The following RORA variants were observed in gnomAD, a reference collection of about 807,000 sequenced individuals.
RORA encodes RAR related orphan receptor A, also known as nuclear receptor ROR-alpha.
A neutral mutation model predicts 69.5 loss-of-function variants in RORA; 7 were observed. The observed-to-expected ratio is 0.10, with a 90% confidence interval of 0.06 to 0.19. The LOEUF (loss-of-function observed/expected upper bound fraction) is 0.19. Ranked by LOEUF, RORA falls within the 10% of genes least tolerant of loss-of-function variation. RORA has a pLI of 1.00. For missense variants in RORA, 457 were observed against 663.0 expected (o/e 0.69, Z 3.41); for synonymous variants, 261 against 240.8 (o/e 1.08, Z -0.78).
intron 2 of RORA, chr15:60,556,733 T>C (rs1595968665): frequency 1.3e-6 from 1 of 754,774 alleles, no homozygotes; most frequent in Non-Finnish European, 2.3e-6. Context: ...CGGCTTCCCC[T>C]TTCTCTTCAT....
chr15:61,028,737 A>G (rs2140434950), intron 1 of RORA, among the ~76,000 whole-genome samples: 1 of 152,356 alleles, frequency 6.6e-6, no homozygotes, highest in Non-Finnish European at 1.5e-5. Flanking sequence ...CCAAATGTCT[A>G]TCAACTGATG....
At chr15:60,807,269 T>C (rs2072672894) in intron 1 of RORA, among the ~76,000 whole-genome samples, 1 of 152,152 alleles carries the variant, frequency 6.6e-6, no homozygotes, top group Non-Finnish European at 1.5e-5. Flanking sequence ...ACACCAACAA[T>C]GACCAAGCTG....
intron 1 of RORA, among the ~76,000 whole-genome samples, chr15:60,872,478 C>G (rs1295789630): frequency 6.6e-6 from 1 of 152,034 alleles, no homozygotes; most frequent in Non-Finnish European, 1.5e-5. Flanking sequence ...GAGACCACAC[C>G]AGGGTCTCTC....
rs2065046139 is a variant in RORA, at chr15:60,491,868, G to A, written c.*5587C>T. ...CTAACATTATGTTTAGGGATAGAAT[G>A]AAGACCTGTATCATAGACTCTTACC... On this transcript the variant is annotated 3_prime_UTR_variant, in exon 11 of 11. Transcript: ENST00000335670. 2.0e-5 allele frequency: 3 copies of A among 152,134 alleles called. No homozygotes were observed. Among genetic ancestry groups the A allele is most frequent in the Non-Finnish European group, 4.4e-5 (3 of 68,012 alleles). 9.4% of individuals were successfully genotyped at this position (152,134 alleles called of 1,614,324 possible). A position where few individuals can be genotyped will look rare whatever the true frequency, so the allele number is the denominator to read the frequency against.
Position 61,216,537 on chromosome 15 carries a change from G to A in RORA, c.166+12516C>T, listed in dbSNP as rs2080042204. On this transcript the variant is annotated intron_variant, in intron 1 of 10. Coordinates refer to ENST00000335670, the MANE Select transcript of RORA (RefSeq NM_134261.3). ...GAAAGGAGAAAGTGAGTAAAGGGAAGGGAGGGCAAGGAATGATGGGTTGGT... is the reference window on the plus strand; with the variant it reads ...GAAAGGAGAAAGTGAGTAAAGGGAAAGGAGGGCAAGGAATGATGGGTTGGT... 2.0e-5 allele frequency among the ~76,000 whole-genome samples: 3 copies of A among 152,110 alleles called. No individual in the cohort carries two copies. In the South Asian group the frequency reaches 6.2e-4, roughly 32 times the overall value.
intron 1 of RORA, among the ~76,000 whole-genome samples, chr15:61,054,819 GT>G (rs1202194378): frequency 7.3e-6 from 1 of 136,818 alleles, no homozygotes; most frequent in Non-Finnish European, 1.6e-5. Flanking sequence ...TTTGTTTTTT[GT>G]TTTTTGTTTT....
chr15:61,181,336 A>T (rs977497381), intron 1 of RORA: 1 of 152,168 alleles, frequency 6.6e-6, no homozygotes, highest in Non-Finnish European at 1.5e-5. Context: ...TCCTAAAAAC[A>T]TTATCTCCTG....
intron 1 of RORA, among the ~76,000 whole-genome samples, chr15:60,925,632 C>T (rs1892192917): frequency 1.3e-5 from 2 of 152,246 alleles, no homozygotes; most frequent in African/African-American, 2.4e-5. Flanking sequence ...GCACTGCATG[C>T]CTGATACAGT....
intron 1 of RORA, among the ~76,000 whole-genome samples, chr15:60,808,496 T>A (rs555005317): frequency 6.6e-6 from 1 of 152,146 alleles, no homozygotes; most frequent in African/African-American, 2.4e-5. Flanking sequence ...TATGGAAAAC[T>A]GGGTGGAGTT....
At chr15:60,997,053 G>C (rs1037512789) in intron 1 of RORA, among the ~76,000 whole-genome samples, 3 of 151,948 alleles carry the variant, frequency 2.0e-5, no homozygotes. Context: ...GTGTGTGTGT[G>C]TGTGTGTGTG....
At chr15:61,143,898 CA>C (rs1389382508) in intron 1 of RORA, among the ~76,000 whole-genome samples, 1 of 151,932 alleles carries the variant, frequency 6.6e-6, no homozygotes, top group Non-Finnish European at 1.5e-5. Flanking sequence ...TGCTATCAAT[CA>C]AAAGAGAAAG....
chr15:60,561,087 T>C (rs548661487), intron 2 of RORA, among the ~76,000 whole-genome samples: 2 of 149,432 alleles, frequency 1.3e-5, no homozygotes, highest in African/African-American at 5.0e-5. Flanking sequence ...TTTTTGTTTT[T>C]TTTTTTGTTT....
In RORA at chr15:60,497,321, C is replaced by T. The variant is rs201735557; in HGVS notation, c.*134G>A. On this transcript the variant is annotated 3_prime_UTR_variant, in exon 11 of 11. Coordinates refer to ENST00000335670, the MANE Select transcript of RORA (RefSeq NM_134261.3). ...CATTGTTTCCCCTCCTTTGCCTGAC[C>T]CCGATCACCAAAAGATGTGCAGTGT... is the stretch of plus-strand genomic sequence containing the variant. The T allele has an allele frequency of 3.0e-6, 2 of 661,232 alleles. No individual in the cohort carries two copies. The highest frequency in any genetic ancestry group is 2.3e-5 in the South Asian group (1 of 42,806). The allele number at this position is 661,232 out of a possible 1,614,324, so 41.0% of individuals were successfully genotyped here.
At chr15:60,696,852 G>C (rs545244072) in intron 1 of RORA, among the ~76,000 whole-genome samples, 2 of 152,158 alleles carry the variant, frequency 1.3e-5, no homozygotes, top group African/African-American at 4.8e-5. Flanking sequence ...CAGAGCAAAG[G>C]TAAAAGACCT....
Position 60,495,337 on chromosome 15 carries a change from AAC to A in RORA, c.*2116_*2117del, listed in dbSNP as rs1375595295. The A allele has an allele frequency of 6.6e-6, 1 of 152,212 alleles. No individual in the cohort carries two copies. The highest frequency in any genetic ancestry group is 1.5e-5 in the Non-Finnish European group (1 of 68,040). 9.4% of individuals were successfully genotyped at this position (152,212 alleles called of 1,614,324 possible). On this transcript the variant is annotated 3_prime_UTR_variant, in exon 11 of 11. Coordinates refer to ENST00000335670, the MANE Select transcript of RORA (RefSeq NM_134261.3). ...TGCTGACAGTTAGCATCTCTCTATA[AAC>A]ACATAAAATTTTACATGCCTGTAAG...
At position 61,111,511 on chromosome 15, in the gene RORA, T is replaced by A. The variant is rs2079006112; in HGVS notation, c.166+117542A>T. On this transcript the variant is annotated intron_variant, in intron 1 of 10. Transcript: ENST00000335670. ...CTCTTGAGTGGTAACTGTTCAAGTT[T>A]ATATACATATAAGTATATAATATCT... is the stretch of plus-strand genomic sequence containing the variant. Among the ~76,000 whole-genome samples the A allele has an allele frequency of 2.0e-5, 3 of 152,254 alleles. No individual in the cohort carries two copies. The South Asian group carries it at 6.2e-4, about 32-fold the overall frequency.
At chr15:60,954,652 G>C (rs1207273439) in intron 1 of RORA, among the ~76,000 whole-genome samples, 1 of 152,076 alleles carries the variant, frequency 6.6e-6, no homozygotes, top group South Asian at 2.1e-4. Context: ...AAACTTCAAG[G>C]GCAAATTCTA....
intron 1 of RORA, among the ~76,000 whole-genome samples, chr15:60,803,280 C>G (rs577302499): frequency 5.3e-5 from 8 of 152,290 alleles, no homozygotes; most frequent in African/African-American, 1.9e-4. Flanking sequence ...TCGGCCCCTT[C>G]GGACCAGCTG....
intron 1 of RORA, among the ~76,000 whole-genome samples, chr15:60,803,164 A>G (rs1555454575): frequency 1.3e-5 from 2 of 152,224 alleles, no homozygotes; most frequent in Non-Finnish European, 2.9e-5. Context: ...GCCTATAGCA[A>G]TTTATCATTT....
Sources: gnomAD v4.1 joint callset for allele counts (sites outside exome capture counted in the v4.1 genomes callset) on GRCh38, gnomAD v4.1.1 for gene constraint, MANE v1.5 for transcripts, NCBI Gene and HGNC (gene_info 2026-07-23, HGNC 2026-07-21) for gene names.